RNF144B: variants seen among roughly 807,000 people sequenced by gnomAD.
RNF144B encodes E3 ubiquitin-protein ligase RNF144B.
Under a neutral mutation model 40.2 loss-of-function variants are expected in RNF144B, and 25 were observed. The ratio of observed to expected loss-of-function variants is 0.62; its 90% CI spans 0.45 to 0.87. The LOEUF is 0.87. Among genes scored for constraint, RNF144B ranks in the 40% least tolerant of loss-of-function variants. The probability of loss-of-function intolerance (pLI) is 0.00; values close to 1 mark genes in which losing one functional copy is unlikely to be tolerated. For synonymous variants in RNF144B, 145 were observed against 136.3 expected (o/e 1.06, Z -0.44); for missense variants, 365 against 373.7 (o/e 0.98, Z 0.19).
chr6:18,414,043 G>A lies in RNF144B; in HGVS notation c.166-13538G>A, dbSNP rs1458833385. Among the ~76,000 whole-genome samples the A allele has an allele frequency of 6.6e-6, 1 of 152,088 alleles. No individual in the cohort carries two copies. On this transcript the variant is annotated intron_variant, in intron 2 of 7. Transcript: ENST00000259939. The surrounding 1 kb of genome is among the most constrained non-coding windows in gnomAD (Gnocchi z 4.9). Reference sequence around the variant, plus strand: ...TTAGAAAATGTTAAAAAAAATTCCAGGTTTTGCAGGATAAATCCTCGGGGG... The same window carrying A: ...TTAGAAAATGTTAAAAAAAATTCCAAGTTTTGCAGGATAAATCCTCGGGGG...
chr6:18,394,511 T>A (rs968997715), intron 1 of RNF144B, among the ~76,000 whole-genome samples: 14 of 151,950 alleles, frequency 9.2e-5, no homozygotes, highest in African/African-American at 3.4e-4. Context: ...GGCAGGAGAA[T>A]TGGTTGAACC....
rs61128858 is a variant in RNF144B, at chr6:18,448,688, G to GCACACACACACACA, written c.332-8451_332-8438dup. 1.0e-4 allele frequency among the ~76,000 whole-genome samples: 15 copies of GCACACACACACACA among 144,626 alleles called. No individual in the cohort carries two copies. Among genetic ancestry groups the GCACACACACACACA allele is most frequent in the African/African-American group, 1.5e-4 (6 of 39,564 alleles). The allele number at this position is 144,626 out of a possible 152,430, so 94.9% of individuals were successfully genotyped here. On this transcript the variant is annotated intron_variant, in intron 4 of 7. Transcript: ENST00000259939. The surrounding 1 kb of genome is among the most constrained non-coding windows in gnomAD (Gnocchi z 4.0). ...TCCATTTTATTTTGAAAGCCAGCAT[G>GCACACACACACACA]CACACACACACACACACACACACAC...
chr6:18,406,970 C>T lies in RNF144B; in HGVS notation c.165+7271C>T, dbSNP rs944937415. ...TAGTAGCAGGCGAGAAAGAGAGCAC[C>T]ACACTTATCAAACAACCAGATCTCG... On this transcript the variant is annotated intron_variant, in intron 2 of 7. Coordinates refer to ENST00000259939, the MANE Select transcript of RNF144B (RefSeq NM_182757.4). The surrounding 1 kb of genome is among the most constrained non-coding windows in gnomAD (Gnocchi z 4.2). Among the ~76,000 whole-genome samples the T allele has an allele frequency of 3.9e-5, 6 of 152,036 alleles. No homozygotes were observed. The highest frequency in any genetic ancestry group is 8.8e-5 in the Non-Finnish European group (6 of 68,014).
In RNF144B at chr6:18,416,712, T is replaced by G. The variant is rs985171020; in HGVS notation, c.166-10869T>G. 6.6e-6 allele frequency among the ~76,000 whole-genome samples: 1 copy of G among 152,208 alleles called. No individual in the cohort carries two copies. The highest frequency in any genetic ancestry group is 1.5e-5 in the Non-Finnish European group (1 of 68,032). On this transcript the variant is annotated intron_variant, in intron 2 of 7. Coordinates refer to ENST00000259939, the MANE Select transcript of RNF144B (RefSeq NM_182757.4). The surrounding 1 kb of genome is among the most constrained non-coding windows in gnomAD (Gnocchi z 5.5). ...TGCATATATAATTTCCCCCTTAAGC[T>G]TCCTTTGCTGTTTCTTTTGGAACTA...
At chr6:18,404,006 G>C (rs899289115) in intron 2 of RNF144B, among the ~76,000 whole-genome samples, 1 of 152,202 alleles carries the variant, frequency 6.6e-6, no homozygotes, top group African/African-American at 2.4e-5. Flanking sequence ...GTGGCACCAA[G>C]CCATTCCCCA....
Position 18,410,866 on chromosome 6 carries a change from A to C in RNF144B, c.165+11167A>C, listed in dbSNP as rs186363789. On this transcript the variant is annotated intron_variant, in intron 2 of 7. Coordinates refer to ENST00000259939, the MANE Select transcript of RNF144B (RefSeq NM_182757.4). The surrounding 1 kb of genome is among the most constrained non-coding windows in gnomAD (Gnocchi z 4.6). ...CAATGTCCTTATCAACTTAGGATAC[A>C]TGTGTATGGCAGACTGCAGTTTTGA... Among the ~76,000 whole-genome samples the C allele has an allele frequency of 1.3e-5, 2 of 152,268 alleles. No homozygotes were observed. The highest frequency in any genetic ancestry group is 3.9e-4 in the East Asian group (2 of 5,186).
Position 18,450,440 on chromosome 6 carries a change from C to T in RNF144B, c.332-6715C>T, listed in dbSNP as rs149404781. Among the ~76,000 whole-genome samples, 1,084 of 152,018 alleles carry T rather than the reference C, an allele frequency of 7.1e-3. 15 individuals are homozygous for T. The highest frequency in any genetic ancestry group is 0.025 in the African/African-American group (1,020 of 41,498). The stretch of plus-strand genomic sequence containing the variant: ...AGCCTCCCGAGTAGCTGGGATTACA[C>T]GTGTGTGCCACCAGGCCTGGCTAAT... On this transcript the variant is annotated intron_variant, in intron 4 of 7. Coordinates refer to ENST00000259939, the MANE Select transcript of RNF144B (RefSeq NM_182757.4). This position sits in a 1 kb window ranked among gnomAD's most constrained non-coding sequence, Gnocchi z 4.7.
chr6:18,392,489 A>C lies in RNF144B; in HGVS notation c.-37+4859A>C, dbSNP rs116135278. ...TTTTTTTTAACCCACAAAAAGGTTAATAGGGCTATATTTGCATATCAGTTC... is the reference window on the plus strand; with the variant it reads ...TTTTTTTTAACCCACAAAAAGGTTACTAGGGCTATATTTGCATATCAGTTC... On this transcript the variant is annotated intron_variant, in intron 1 of 7. Transcript: ENST00000259939. Among the ~76,000 whole-genome samples, 604 of 152,224 alleles carry C rather than the reference A, an allele frequency of 4.0e-3. 8 individuals are homozygous for C. Among genetic ancestry groups the C allele is most frequent in the African/African-American group, 0.013 (545 of 41,516 alleles).
rs139863271 is a variant in RNF144B at position 18,446,546 on chromosome 6, A to G, written c.331+6802A>G. ...GCTGAACAAAATAGAACTTGGCTACATATGCTACCATTATCTTTTTTACTA... is the reference window on the plus strand; with the variant it reads ...GCTGAACAAAATAGAACTTGGCTACGTATGCTACCATTATCTTTTTTACTA... On this transcript the variant is annotated intron_variant, in intron 4 of 7. Coordinates refer to ENST00000259939, the MANE Select transcript of RNF144B (RefSeq NM_182757.4). This position sits in a 1 kb window ranked among gnomAD's most constrained non-coding sequence, Gnocchi z 4.7. Among the ~76,000 whole-genome samples the G allele has an allele frequency of 2.2e-4, 33 of 152,308 alleles. No homozygotes were observed. Among genetic ancestry groups the G allele is most frequent in the Admixed American group, 2.0e-3 (31 of 15,302 alleles).
chr6:18,455,741 C>A (rs1759308805), intron 4 of RNF144B, among the ~76,000 whole-genome samples: 1 of 152,024 alleles, frequency 6.6e-6, no homozygotes, highest in African/African-American at 2.4e-5. Flanking sequence ...AGATACCAAG[C>A]AAGATTTGCA....
intron 3 of RNF144B, among the ~76,000 whole-genome samples, chr6:18,438,304 A>G (rs1758869509): frequency 6.6e-6 from 1 of 152,212 alleles, no homozygotes; most frequent in African/African-American, 2.4e-5. Flanking sequence ...TCAGTGTAAT[A>G]AAAGTCCAAC....
At position 18,465,142 on chromosome 6, in the gene RNF144B, C is replaced by T. The variant is rs1261984913; in HGVS notation, c.*75C>T. ...CAGTGATAAAGCCCCATTTAGTGAC[C>T]TTGCCTCCTTCTCCTTGCCAACTTT... On this transcript the variant is annotated 3_prime_UTR_variant, in exon 8 of 8. Coordinates refer to ENST00000259939, the MANE Select transcript of RNF144B (RefSeq NM_182757.4). 2 of 1,488,602 alleles carry T rather than the reference C, an allele frequency of 1.3e-6. No individual in the cohort carries two copies. Among genetic ancestry groups the T allele is most frequent in the Non-Finnish European group, 1.8e-6 (2 of 1,088,312 alleles). 92.2% of individuals were successfully genotyped at this position (1,488,602 alleles called of 1,614,324 possible).
rs573807592 is a variant in RNF144B, at chr6:18,400,134, T to C, written c.165+435T>C. Among the ~76,000 whole-genome samples the C allele has an allele frequency of 7.2e-5, 11 of 151,886 alleles. No homozygotes were observed. Among genetic ancestry groups the C allele is most frequent in the African/African-American group, 2.7e-4 (11 of 41,448 alleles). ...AAAATACAAAAGAAATTAGCTGGGC[T>C]TGGTGGCGGGCGCCTGTAGTCCCAG... is the stretch of plus-strand genomic sequence containing the variant. On this transcript the variant is annotated intron_variant, in intron 2 of 7. Coordinates refer to ENST00000259939, the MANE Select transcript of RNF144B (RefSeq NM_182757.4). The surrounding 1 kb of genome is among the most constrained non-coding windows in gnomAD (Gnocchi z 5.6).
intron 3 of RNF144B, among the ~76,000 whole-genome samples, chr6:18,432,667 A>G (rs1181031169): frequency 1.3e-5 from 2 of 152,326 alleles, no homozygotes; most frequent in East Asian, 3.9e-4. Context: ...GAAAGTTTGA[A>G]CCATTTGTCT....
At chr6:18,449,077 A>C (rs944949575) in intron 4 of RNF144B, among the ~76,000 whole-genome samples, 1 of 152,198 alleles carries the variant, frequency 6.6e-6, no homozygotes, top group Non-Finnish European at 1.5e-5. Flanking sequence ...AGTGAGTAGA[A>C]CCACACTTTC....
rs1794895958 is a variant in RNF144B at position 18,405,966 on chromosome 6, C to G, written c.165+6267C>G. ...ACCTTAGATCTTCTAGTTCCCCCAC[C>G]CTCCTAATGAAAGAAGTCATTTTCT... is the stretch of plus-strand genomic sequence containing the variant. On this transcript the variant is annotated intron_variant, in intron 2 of 7. Coordinates refer to ENST00000259939, the MANE Select transcript of RNF144B (RefSeq NM_182757.4). This position sits in a 1 kb window ranked among gnomAD's most constrained non-coding sequence, Gnocchi z 4.5. The G allele has an allele frequency of 1.0e-5, 5 of 497,614 alleles. No homozygotes were observed. The highest frequency in any genetic ancestry group is 2.0e-5 in the African/African-American group (1 of 51,220). 30.8% of individuals were successfully genotyped at this position (497,614 alleles called of 1,614,324 possible).
In RNF144B at chr6:18,446,985, C is replaced by T. The variant is rs1390570655; in HGVS notation, c.331+7241C>T. Among the ~76,000 whole-genome samples the T allele has an allele frequency of 2.0e-5, 3 of 151,916 alleles. No individual in the cohort carries two copies. Among genetic ancestry groups the T allele is most frequent in the African/African-American group, 7.3e-5 (3 of 41,352 alleles). ...GTGCTGCTGTTGAGAAATCCTTTCC[C>T]AGCTGATGGGGAATACAGTGATCAT... On this transcript the variant is annotated intron_variant, in intron 4 of 7. Transcript: ENST00000259939. This position sits in a 1 kb window ranked among gnomAD's most constrained non-coding sequence, Gnocchi z 4.7.
Position 18,459,354 on chromosome 6 carries a change from T to C in RNF144B, c.537-253T>C, listed in dbSNP as rs1405554269. ...CAATGCATGCTTAGGGAATGAAATA[T>C]TAATTTGACAAAATAGTGAGTTAAA... is the stretch of plus-strand genomic sequence containing the variant. On this transcript the variant is annotated intron_variant, in intron 5 of 7. Coordinates refer to ENST00000259939, the MANE Select transcript of RNF144B (RefSeq NM_182757.4). This position sits in a 1 kb window ranked among gnomAD's most constrained non-coding sequence, Gnocchi z 4.2. Among the ~76,000 whole-genome samples, 2 of 152,170 alleles carry C rather than the reference T, an allele frequency of 1.3e-5. No individual in the cohort carries two copies. Among genetic ancestry groups the C allele is most frequent in the East Asian group, 3.9e-4 (2 of 5,184 alleles).
At chr6:18,455,000 C>T (rs924647916) in intron 4 of RNF144B, among the ~76,000 whole-genome samples, 9 of 152,116 alleles carry the variant, frequency 5.9e-5, no homozygotes, top group Admixed American at 5.2e-4. Flanking sequence ...AGAAGGGAAG[C>T]GAAGTAGATA....
Sources: gnomAD v4.1 joint callset for allele counts (sites outside exome capture counted in the v4.1 genomes callset) on GRCh38, gnomAD v4.1.1 for gene constraint, Gnocchi (gnomAD v3.1) non-coding constraint, MANE v1.5 for transcripts, NCBI Gene and HGNC (gene_info 2026-07-23, HGNC 2026-07-21) for gene names.